AGBL4: variants seen among roughly 807,000 people sequenced by gnomAD.
AGBL4 encodes cytosolic carboxypeptidase 6.
A neutral mutation model predicts 66.4 loss-of-function variants in AGBL4; 58 were observed. The observed-to-expected ratio is 0.87, with a 90% confidence interval of 0.71 to 1.09. The LOEUF (loss-of-function observed/expected upper bound fraction) is 1.09. Among genes scored for constraint, AGBL4 ranks in the 50% least tolerant of loss-of-function variants. The pLI, the probability that AGBL4 is intolerant of heterozygous loss-of-function variation, is 0.00. For missense variants in AGBL4, 579 were observed against 631.0 expected (o/e 0.92, Z 0.88); for synonymous variants, 234 against 222.9 (o/e 1.05, Z -0.44).
intron 4 of AGBL4, among the ~76,000 whole-genome samples, chr1:49,207,489 TTTC>T (rs1441070722): frequency 1.3e-4 from 20 of 151,372 alleles, no homozygotes; most frequent in South Asian, 2.1e-4. Context: ...TTTTTCTTTC[TTTC>T]TTTTCTTTCT....
intron 5 of AGBL4, among the ~76,000 whole-genome samples, chr1:49,007,527 C>T (rs557203078): frequency 1.6e-4 from 24 of 148,380 alleles, no homozygotes; most frequent in African/African-American, 3.5e-4. Flanking sequence ...ATACAGAGAA[C>T]GCCACAAAGA....
At position 48,624,889 on chromosome 1, in the gene AGBL4, G is replaced by GGTGT. The variant is rs56678913; in HGVS notation, c.951+9600_951+9603dup. The stretch of plus-strand genomic sequence containing the variant: ...CAAGTCTGTTCAGATGTTAATTCCA[G>GGTGT]GTGTGTGTGTGTGTGTGTGTGTGTG... On this transcript the variant is annotated intron_variant, in intron 9 of 13. Transcript: ENST00000371839. 2.4e-3 allele frequency among the ~76,000 whole-genome samples: 354 copies of GGTGT among 147,850 alleles called. 2 individuals carry two copies. The highest frequency in any genetic ancestry group is 6.4e-3 in the African/African-American group (260 of 40,546).
At chr1:48,603,831 C>T (rs370687267) in intron 9 of AGBL4, among the ~76,000 whole-genome samples, 29 of 151,902 alleles carry the variant, frequency 1.9e-4, no homozygotes, top group African/African-American at 6.8e-4. Flanking sequence ...TAGGACTGAG[C>T]GCGGTAGCTC....
At chr1:48,592,254 C>T (rs562366329) in intron 9 of AGBL4, among the ~76,000 whole-genome samples, 1 of 152,286 alleles carries the variant, frequency 6.6e-6, no homozygotes, top group Admixed American at 6.5e-5. Context: ...CAAAATCTAG[C>T]CACCTCTCCA....
intron 11 of AGBL4, among the ~76,000 whole-genome samples, chr1:48,543,087 C>T (rs1203814314): frequency 2.0e-5 from 3 of 152,098 alleles, no homozygotes; most frequent in Admixed American, 1.3e-4. Context: ...ATGTGTTTAT[C>T]GACCTTCCCA....
Position 49,655,188 on chromosome 1 carries a change from T to C in AGBL4, c.282+42125A>G, listed in dbSNP as rs180950207. 2.3e-4 allele frequency among the ~76,000 whole-genome samples: 35 copies of C among 152,280 alleles called. 1 individual carries two copies. In the East Asian group the frequency reaches 4.8e-3, roughly 21 times the overall value. ...CTAAAGGATTTTATTTCCCCTTCAC[T>C]TTTATGAAGCTTAGTTTGGCTGGAT... is the stretch of plus-strand genomic sequence containing the variant. On this transcript the variant is annotated intron_variant, in intron 3 of 13. Coordinates refer to ENST00000371839, the MANE Select transcript of AGBL4 (RefSeq NM_032785.4).
intron 3 of AGBL4, among the ~76,000 whole-genome samples, chr1:49,657,188 T>A (rs1330545679): frequency 1.3e-5 from 2 of 152,080 alleles, no homozygotes; most frequent in African/African-American, 4.8e-5. Context: ...TGTGCAAAAA[T>A]CACAAACATT....
chr1:48,958,708 G>A (rs1313135107), intron 5 of AGBL4, among the ~76,000 whole-genome samples: 1 of 152,222 alleles, frequency 6.6e-6, no homozygotes, highest in African/African-American at 2.4e-5. Context: ...TCTGGGCAGG[G>A]TGCCCTAAGC....
intron 5 of AGBL4, among the ~76,000 whole-genome samples, chr1:48,911,215 G>GA (rs923593278): frequency 1.3e-5 from 2 of 152,224 alleles, no homozygotes; most frequent in Non-Finnish European, 2.9e-5. Context: ...ACTGAAAGAA[G>GA]AATAGGACAT....
intron 6 of AGBL4, among the ~76,000 whole-genome samples, chr1:48,815,226 A>C (rs1300635840): frequency 6.6e-6 from 1 of 152,176 alleles, no homozygotes; most frequent in Non-Finnish European, 1.5e-5. Flanking sequence ...TCATTTGCTC[A>C]TCTTTTGTTG....
chr1:48,823,499 A>G (rs1195200219), intron 6 of AGBL4, among the ~76,000 whole-genome samples: 1 of 152,130 alleles, frequency 6.6e-6, no homozygotes, highest in Non-Finnish European at 1.5e-5. Context: ...TCTTTTCCCA[A>G]GGCCTCTGTT....
intron 5 of AGBL4, among the ~76,000 whole-genome samples, chr1:48,904,737 T>C (rs1652419771): frequency 6.6e-6 from 1 of 152,216 alleles, no homozygotes; most frequent in Admixed American, 6.5e-5. Context: ...TCAATAATTA[T>C]TGAACAATAT....
At chr1:49,937,759 G>A (rs1282400751) in intron 1 of AGBL4, among the ~76,000 whole-genome samples, 3 of 152,114 alleles carry the variant, frequency 2.0e-5, no homozygotes, top group Non-Finnish European at 4.4e-5. Flanking sequence ...ATAATGAAAT[G>A]AAGGCAGAAA....
chr1:49,328,464 G>A (rs1229765407), intron 3 of AGBL4, among the ~76,000 whole-genome samples: 3 of 152,160 alleles, frequency 2.0e-5, no homozygotes, highest in African/African-American at 4.8e-5. Context: ...ACTGCACTGA[G>A]CTAACATGCC....
chr1:49,412,420 T>C (rs947803677), intron 3 of AGBL4, among the ~76,000 whole-genome samples: 1 of 152,002 alleles, frequency 6.6e-6, no homozygotes, highest in Non-Finnish European at 1.5e-5. Flanking sequence ...CTTAATCACC[T>C]CCCAAAAGCC....
intron 6 of AGBL4, among the ~76,000 whole-genome samples, chr1:48,822,591 G>GTATA (rs1175249403): frequency 6.6e-6 from 1 of 152,178 alleles, no homozygotes; most frequent in Non-Finnish European, 1.5e-5. Context: ...TGATCTAAAT[G>GTATA]TATATGTCTT....
intron 3 of AGBL4, among the ~76,000 whole-genome samples, chr1:49,257,114 A>G (rs1652579617): frequency 6.6e-6 from 1 of 152,186 alleles, no homozygotes; most frequent in Non-Finnish European, 1.5e-5. Flanking sequence ...TTTTACAAAA[A>G]AAAATACTAT....
At chr1:49,967,518 T>TG (rs1557626198) in intron 1 of AGBL4, among the ~76,000 whole-genome samples, 1 of 146,192 alleles carries the variant, frequency 6.8e-6, no homozygotes, top group South Asian at 2.2e-4. Context: ...TGTCAGGAGG[T>TG]GGGGGGCTAG....
chr1:49,935,424 G>T, intron 1 of AGBL4, among the ~76,000 whole-genome samples: 1 of 152,204 alleles, frequency 6.6e-6, no homozygotes, highest in South Asian at 2.1e-4. Flanking sequence ...CAAACAAAAA[G>T]ACAGCAGTAA....
Sources: gnomAD v4.1 joint callset for allele counts (sites outside exome capture counted in the v4.1 genomes callset) on GRCh38, gnomAD v4.1.1 for gene constraint, MANE v1.5 for transcripts, NCBI Gene and HGNC (gene_info 2026-07-23, HGNC 2026-07-21) for gene names.